CFAP74: variants seen among roughly 807,000 people sequenced by gnomAD.
CFAP74 encodes the protein cilia- and flagella-associated protein 74.
Under a neutral mutation model 188.9 loss-of-function variants are expected in CFAP74, and 124 were observed. The ratio of observed to expected loss-of-function variants is 0.66; its 90% CI spans 0.57 to 0.76. CFAP74 has a LOEUF of 0.76. Among genes scored for constraint, CFAP74 ranks in the 30% least tolerant of loss-of-function variants. The probability of loss-of-function intolerance (pLI) is 0.00; values close to 1 mark genes in which losing one functional copy is unlikely to be tolerated. For missense variants in CFAP74, 2,198 were observed against 2,165.2 expected, an observed-to-expected ratio of 1.02 and a Z score of -0.30; for synonymous variants, 956 against 916.7, an observed-to-expected ratio of 1.04 and a Z score of -0.77.
chr1:1,958,774 A>C (rs1008236596), intron 16 of CFAP74, among the ~76,000 whole-genome samples: 6 of 152,108 alleles, frequency 3.9e-5, no homozygotes, highest in African/African-American at 1.4e-4. Context: ...CTATGCTTGA[A>C]ATTTTTCTTA....
intron 6 of CFAP74, among the ~76,000 whole-genome samples, chr1:1,983,424 G>A (rs996981166): frequency 3.3e-5 from 5 of 152,304 alleles, no homozygotes; most frequent in African/African-American, 9.6e-5. Flanking sequence ...GAGGACACCC[G>A]AGGGACTGGT....
At chr1:1,965,152 G>A (rs1372566624) in intron 12 of CFAP74, 91 bp from the exon 13 acceptor site, 4 of 1,291,792 alleles carry the variant, frequency 3.1e-6, no homozygotes, top group Non-Finnish European at 4.2e-6. Context: ...GCGGTTAGCA[G>A]AGCACGGACA....
intron 25 of CFAP74, among the ~76,000 whole-genome samples, chr1:1,934,603 ATG>A (rs1331805424): frequency 3.0e-4 from 31 of 103,906 alleles, no homozygotes; most frequent in East Asian, 1.2e-3. Flanking sequence ...ACACGTGTGT[ATG>A]TGTGTGTGTT....
At chr1:1,952,590 A>AAAAGAAAGAAAGAAAG (rs58267869) in intron 18 of CFAP74, among the ~76,000 whole-genome samples, 61 of 148,674 alleles carry the variant, frequency 4.1e-4, no homozygotes, top group South Asian at 1.3e-3. Context: ...GAAGCAAAGA[A>AAAAGAAAGAAAGAAAG]AAAGAAAGAA....
chr1:2,000,171 A>G (rs1357862000), intron 1 of CFAP74, among the ~76,000 whole-genome samples: 1 of 152,246 alleles, frequency 6.6e-6, no homozygotes, highest in Non-Finnish European at 1.5e-5. Context: ...CTCAAAAAAA[A>G]GAAAAAAGAA....
intron 6 of CFAP74, among the ~76,000 whole-genome samples, chr1:1,979,614 G>A (rs1438231155): frequency 7.7e-6 from 1 of 129,956 alleles, no homozygotes; most frequent in African/African-American, 2.8e-5. Flanking sequence ...GCTGGGTGTG[G>A]GAAGGCATCA....
At position 1,975,060 on chromosome 1, in the gene CFAP74, T is replaced by A. The variant is rs79995166; in HGVS notation, c.501-862A>T. On this transcript the variant is annotated intron_variant, in intron 6 of 38. Coordinates refer to ENST00000682832, the MANE Select transcript of CFAP74 (RefSeq NM_001304360.2). The surrounding 1 kb of genome is among the most constrained non-coding windows in gnomAD (Gnocchi z 4.5). Reference sequence around the variant, plus strand: ...CCTGGACAAGGTCAGACGCAGGCGTTGAGCCGGCATCCTCACTGCATTGCT... The same window carrying A: ...CCTGGACAAGGTCAGACGCAGGCGTAGAGCCGGCATCCTCACTGCATTGCT... 7.1e-4 allele frequency among the ~76,000 whole-genome samples: 108 copies of A among 152,360 alleles called. No individual in the cohort carries two copies. Among genetic ancestry groups the A allele is most frequent in the African/African-American group, 2.5e-3 (105 of 41,590 alleles).
Position 1,972,981 on chromosome 1 carries a change from C to T in CFAP74, c.741G>A (p.Lys247=). Reference sequence around the variant, plus strand: ...GGAACCGCACGGCAACCTTGTGGTTCTTCCGGGCGTCCTCCAGCAGCTTCT... The same window carrying T: ...GGAACCGCACGGCAACCTTGTGGTTTTTCCGGGCGTCCTCCAGCAGCTTCT... ...RHQKLLEDAR[K]NHKVAVRFLK... Residue 247 remains lysine (K), a synonymous_variant, in exon 8 of 39, where the codon AAG becomes AAA. Transcript: ENST00000682832. 1.2e-6 allele frequency: 2 copies of T among 1,614,064 alleles called. No individual in the cohort carries two copies. The highest frequency in any genetic ancestry group is 1.7e-6 in the Non-Finnish European group (2 of 1,180,018).
intron 25 of CFAP74, among the ~76,000 whole-genome samples, chr1:1,935,867 T>TACACACACACACACACACACACACACAC (rs35582265): frequency 4.1e-5 from 6 of 147,882 alleles, no homozygotes; most frequent in African/African-American, 1.2e-4. Context: ...TTTTCAGCAC[T>TACACACACACACACACACACACACACAC]ACACACACAC....
At chr1:1,991,863 C>A (rs982997718) in intron 1 of CFAP74, among the ~76,000 whole-genome samples, 1 of 151,672 alleles carries the variant, frequency 6.6e-6, no homozygotes, top group Non-Finnish European at 1.5e-5. Context: ...CACAGTGAAA[C>A]CCCATCTCTA....
intron 27 of CFAP74, 23 bp downstream of exon 27, chr1:1,928,761 C>G: frequency 5.6e-5 from 85 of 1,515,046 alleles, no homozygotes; most frequent in Non-Finnish European, 6.7e-5. Flanking sequence ...GACCTACGCC[C>G]CTCCTTCCCG....
intron 18 of CFAP74, among the ~76,000 whole-genome samples, chr1:1,950,996 A>C (rs2102056427): frequency 6.6e-6 from 1 of 152,220 alleles, no homozygotes; most frequent in East Asian, 1.9e-4. Flanking sequence ...CAGTGTGAGG[A>C]ACGAATTAAA....
rs538912944 is a variant in CFAP74, at chr1:1,972,057, C to T, written c.811G>A (p.Glu271Lys). Residue 271 changes from glutamate to lysine, a missense_variant, in exon 9 of 39, where the codon GAG becomes AAG. Physicochemically the swap from Glu to Lys is moderately conservative, Grantham distance 56. Coordinates refer to ENST00000682832, the MANE Select transcript of CFAP74 (RefSeq NM_001304360.2). ...GRIREQEKKE[E>K]MECHEYMRRR... ...CTCATGTACTCGTGGCACTCCATCT[C>T]CTCCTTCTTCTCTTGCTCTCGGATT... 1.9e-6 allele frequency: 3 copies of T among 1,612,936 alleles called. No homozygotes were observed. Among genetic ancestry groups the T allele is most frequent in the African/African-American group, 1.3e-5 (1 of 75,066 alleles).
At chr1:1,943,064 C>T (rs1278105464) in intron 21 of CFAP74, among the ~76,000 whole-genome samples, 6 of 152,168 alleles carry the variant, frequency 3.9e-5, no homozygotes, top group African/African-American at 7.2e-5. Flanking sequence ...GCTCAGAGAC[C>T]GCGCCCTCCC....
intron 11 of CFAP74, among the ~76,000 whole-genome samples, chr1:1,966,932 G>A (rs1480081308): frequency 6.6e-6 from 1 of 151,750 alleles, no homozygotes; most frequent in Non-Finnish European, 1.5e-5. Context: ...TATCTCCCGG[G>A]TTCACATGAT....
chr1:1,997,420 C>T (rs370100283), intron 1 of CFAP74, among the ~76,000 whole-genome samples: 1 of 141,394 alleles, frequency 7.1e-6, no homozygotes, highest in East Asian at 2.1e-4. Context: ...GAAACTCCGT[C>T]TCAAAAAAAA....
At chr1:1,930,380 C>G (rs1231684880) in intron 25 of CFAP74, 44 bp from the exon 26 acceptor site, 5 of 1,474,004 alleles carry the variant, frequency 3.4e-6, no homozygotes, top group Non-Finnish European at 4.5e-6. Context: ...GCAGGGCGTC[C>G]GTGTCCCTCT....
chr1:1,957,771 G>C (rs948157455), intron 16 of CFAP74, among the ~76,000 whole-genome samples: 2 of 145,188 alleles, frequency 1.4e-5, no homozygotes, highest in African/African-American at 5.7e-5. Flanking sequence ...GTCTGCGGGG[G>C]GGCGGGGGAC....
chr1:1,930,886 A>G (rs1375570573), intron 25 of CFAP74, among the ~76,000 whole-genome samples: 1 of 152,190 alleles, frequency 6.6e-6, no homozygotes, highest in Non-Finnish European at 1.5e-5. Flanking sequence ...GATTCCTGCC[A>G]CCATCTATTA....
Sources: allele counts gnomAD v4.1 joint callset (sites outside exome capture counted in the v4.1 genomes callset), GRCh38; gene constraint gnomAD v4.1.1; non-coding constraint Gnocchi (gnomAD v3.1); transcripts MANE v1.5; gene names NCBI Gene and HGNC (gene_info 2026-07-23, HGNC 2026-07-21).